Variants in NOX4 observed in about 807,000 individuals in gnomAD.
NOX4 encodes the protein kidney oxidase-1.
NOX4 carries 69 observed loss-of-function variants against 87.6 expected under a neutral mutation model. That is an observed-to-expected ratio of 0.79 (90% CI 0.65 to 0.96). The LOEUF (loss-of-function observed/expected upper bound fraction) is 0.96, where lower values mean the gene tolerates loss of function less well. NOX4 is among the 40% of genes least tolerant of loss of function. The pLI is 0.00. For missense variants in NOX4, 680 were observed against 681.5 expected (o/e 1.00, Z 0.02); for synonymous variants, 275 against 238.2 (o/e 1.15, Z -1.42).
chr11:89,368,830 C>A (rs1939216571), intron 12 of NOX4, among the ~76,000 whole-genome samples: 1 of 151,972 alleles, frequency 6.6e-6, no homozygotes, highest in South Asian at 2.1e-4. Flanking sequence ...GGAAGAGAAG[C>A]ACTTCTCTCA....
intron 12 of NOX4, among the ~76,000 whole-genome samples, chr11:89,367,968 G>T (rs1939134221): frequency 6.6e-6 from 1 of 151,958 alleles, no homozygotes; most frequent in Non-Finnish European, 1.5e-5. Context: ...CTAACACTCA[G>T]TTTGACCCAG....
chr11:89,391,949 TTC>T (rs1216509999), intron 11 of NOX4, among the ~76,000 whole-genome samples: 2 of 142,434 alleles, frequency 1.4e-5, no homozygotes, highest in African/African-American at 5.2e-5. Flanking sequence ...CCCCTTCCCC[TTC>T]TCCTTCCTTC....
At chr11:89,446,186 C>A (rs1010603307) in intron 4 of NOX4, among the ~76,000 whole-genome samples, 1 of 152,182 alleles carries the variant, frequency 6.6e-6, no homozygotes, top group African/African-American at 2.4e-5. Context: ...ATTAGAATGA[C>A]CAAAATCCAG....
At position 89,361,882 on chromosome 11, in the gene NOX4, G is replaced by A. The variant is rs1395345230; in HGVS notation, c.1136-6839C>T. Among the ~76,000 whole-genome samples, 6 of 152,058 alleles carry A rather than the reference G, an allele frequency of 3.9e-5. No individual in the cohort carries two copies. The East Asian group carries it at 7.7e-4, about 20-fold the overall frequency. On this transcript the variant is annotated intron_variant, in intron 12 of 17. Transcript: ENST00000263317. ...AACTTGTTGCCCAGCTGTGGAGAGC[G>A]CAGTTGGCAGGCAATCTCCATCTGT...
chr11:89,403,262 G>A (rs1405738225), intron 8 of NOX4, among the ~76,000 whole-genome samples: 1 of 152,096 alleles, frequency 6.6e-6, no homozygotes, highest in Non-Finnish European at 1.5e-5. Context: ...TCAAGAAGTG[G>A]TTAACATCTA....
At chr11:89,372,429 T>C (rs1939515082) in intron 12 of NOX4, among the ~76,000 whole-genome samples, 1 of 152,032 alleles carries the variant, frequency 6.6e-6, no homozygotes, top group African/African-American at 2.4e-5. Context: ...ATTGACTTTG[T>C]CTTTGTTTCA....
chr11:89,504,393 A>G, the NOX4 span, among the ~76,000 whole-genome samples: 8 of 152,072 alleles, frequency 5.3e-5, no homozygotes, highest in Non-Finnish European at 1.0e-4. Flanking sequence ...TGTTTTAAGT[A>G]GGGATGCAAT....
the NOX4 span, among the ~76,000 whole-genome samples, chr11:89,562,531 A>G: frequency 6.6e-6 from 1 of 152,196 alleles, no homozygotes; most frequent in East Asian, 1.9e-4. Flanking sequence ...TACTGCCTTC[A>G]GCCTAAAGTA....
At chr11:89,526,227 C>A in the NOX4 span, among the ~76,000 whole-genome samples, 7 of 152,284 alleles carry the variant, frequency 4.6e-5, no homozygotes, top group Middle Eastern at 3.4e-3. Context: ...TAATTAAAAA[C>A]ATACTGCATT....
intron 2 of NOX4, among the ~76,000 whole-genome samples, chr11:89,461,972 G>A (rs1945489585): frequency 1.3e-5 from 2 of 151,110 alleles, no homozygotes; most frequent in African/African-American, 4.9e-5. Context: ...GTAAACTTTT[G>A]TTTTATTCTG....
the NOX4 span, among the ~76,000 whole-genome samples, chr11:89,581,567 T>C: frequency 6.6e-6 from 1 of 152,182 alleles, no homozygotes; most frequent in African/African-American, 2.4e-5. Context: ...ACCACTGACT[T>C]ACTACCTCTG....
chr11:89,470,462 T>C (rs1945883451), intron 2 of NOX4, among the ~76,000 whole-genome samples: 1 of 152,164 alleles, frequency 6.6e-6, no homozygotes, highest in African/African-American at 2.4e-5. Context: ...TAAGAGATGA[T>C]CCTTCAATGC....
chr11:89,374,608 AAGACAAGACAAAAT>A (rs1939696584), intron 11 of NOX4, among the ~76,000 whole-genome samples: 1 of 152,202 alleles, frequency 6.6e-6, no homozygotes, highest in African/African-American at 2.4e-5. Flanking sequence ...GCCCAATAAA[AAGACAAGACAAAAT>A]TTGGATCCAG....
intron 8 of NOX4, among the ~76,000 whole-genome samples, chr11:89,409,933 G>A (rs1169593447): frequency 6.6e-6 from 1 of 151,922 alleles, no homozygotes; most frequent in East Asian, 1.9e-4. Context: ...AACAAATCAG[G>A]AGAGCTGGGT....
chr11:89,498,517 A>G (rs542838817), upstream of NOX4, among the ~76,000 whole-genome samples: 1 of 152,318 alleles, frequency 6.6e-6, no homozygotes, highest in Admixed American at 6.5e-5. Context: ...TCCCGTTTAT[A>G]TTAAAAATTC....
At chr11:89,351,301 G>A (rs1462358877) in intron 13 of NOX4, among the ~76,000 whole-genome samples, 2 of 152,214 alleles carry the variant, frequency 1.3e-5, no homozygotes, top group Non-Finnish European at 2.9e-5. Context: ...AAAGTCTGAA[G>A]CTAGAAGAAG....
chr11:89,458,783 T>C (rs1945321707), intron 2 of NOX4, among the ~76,000 whole-genome samples: 1 of 152,138 alleles, frequency 6.6e-6, no homozygotes, highest in Non-Finnish European at 1.5e-5. Flanking sequence ...AGAATGGCTA[T>C]AATTAAAAAG....
chr11:89,580,704 A>T, the NOX4 span, among the ~76,000 whole-genome samples: 11 of 152,198 alleles, frequency 7.2e-5, no homozygotes, highest in Non-Finnish European at 1.3e-4. Context: ...AGTGCTTATC[A>T]TATATTAGGC....
At chr11:89,429,679 A>G (rs1482920847) in intron 7 of NOX4, among the ~76,000 whole-genome samples, 1 of 152,204 alleles carries the variant, frequency 6.6e-6, no homozygotes, top group Non-Finnish European at 1.5e-5. Context: ...GAATCCCTGA[A>G]TAGACCAATA....
Sources: allele counts gnomAD v4.1 joint callset (sites outside exome capture counted in the v4.1 genomes callset), GRCh38; gene constraint gnomAD v4.1.1; transcripts MANE v1.5; gene names NCBI Gene and HGNC (gene_info 2026-07-23, HGNC 2026-07-21).